ZNF362: variants seen among roughly 807,000 people sequenced by gnomAD.
The protein encoded by ZNF362 is rotund homolog.
A neutral mutation model predicts 42.9 loss-of-function variants in ZNF362; 11 were observed. That is an observed-to-expected ratio of 0.26 (90% CI 0.16 to 0.42). ZNF362 has a LOEUF of 0.42. Ranked by LOEUF, ZNF362 falls within the 20% of genes least tolerant of loss-of-function variation. The pLI, the probability that ZNF362 is intolerant of heterozygous loss-of-function variation, is 1.00. For synonymous variants in ZNF362, 255 were observed against 257.3 expected (o/e 0.99, Z 0.09); for missense variants, 362 against 576.2 (o/e 0.63, Z 3.81).
chr1:33,168,912 G>A, the ZNF362 span, among the ~76,000 whole-genome samples: 1 of 152,202 alleles, frequency 6.6e-6, no homozygotes, highest in South Asian at 2.1e-4. Context: ...CTGCCTTGGA[G>A]TCTGCCTTCC....
At chr1:33,275,538 TA>T (rs961907419) in intron 2 of ZNF362, among the ~76,000 whole-genome samples, 23 of 152,310 alleles carry the variant, frequency 1.5e-4, no homozygotes, top group African/African-American at 5.1e-4. Context: ...CAAAGGGCAA[TA>T]ATCATTTGGG....
rs563360626 is a variant in ZNF362 at position 33,266,112 on chromosome 1, C to T, written c.-88-4375C>T. Among the ~76,000 whole-genome samples the T allele has an allele frequency of 1.6e-4, 24 of 152,354 alleles. No individual in the cohort carries two copies. The highest frequency in any genetic ancestry group is 1.1e-3 in the Admixed American group (17 of 15,304). On this transcript the variant is annotated intron_variant, in intron 1 of 8. Coordinates refer to ENST00000539719, the MANE Select transcript of ZNF362 (RefSeq NM_152493.3). The surrounding 1 kb of genome is among the most constrained non-coding windows in gnomAD (Gnocchi z 4.3). ...AGAATGCTGCCACTACCCTCCCTTC[C>T]CTCCCAGCCTGACTGCAGCAGTAGC...
At chr1:33,275,636 C>T (rs866922980) in intron 2 of ZNF362, among the ~76,000 whole-genome samples, 5 of 152,122 alleles carry the variant, frequency 3.3e-5, no homozygotes, top group East Asian at 1.9e-4. Context: ...GAAGGATGTC[C>T]GTACTCAAGG....
chr1:33,273,172 G>A lies in ZNF362; in HGVS notation c.38+2560G>A, dbSNP rs181390753. ...GAGCACCTAGCAGTGTGTCTGACAC[G>A]CAGGAAGAGCTCAGGAAATGTTTGG... On this transcript the variant is annotated intron_variant, in intron 2 of 8. Coordinates refer to ENST00000539719, the MANE Select transcript of ZNF362 (RefSeq NM_152493.3). 1.1e-4 allele frequency among the ~76,000 whole-genome samples: 17 copies of A among 152,342 alleles called. No homozygotes were observed. In the East Asian group the frequency reaches 2.7e-3, roughly 24 times the overall value.
At chr1:33,141,845 A>T in the ZNF362 span, 2 of 166,206 alleles carry the variant, frequency 1.2e-5, no homozygotes, top group African/African-American at 4.8e-5. Flanking sequence ...TTAAAAAAAA[A>T]TAGAAAACTG....
At chr1:33,129,266 T>C in the ZNF362 span, among the ~76,000 whole-genome samples, 49 of 152,260 alleles carry the variant, frequency 3.2e-4, no homozygotes, top group African/African-American at 1.2e-3. The surrounding 1 kb of genome is among the most constrained non-coding windows in gnomAD (Gnocchi z 4.1). Flanking sequence ...TACTTATGGG[T>C]TGGGGGTTCA....
chr1:33,159,768 C>T, the ZNF362 span: 1 of 1,613,730 alleles, frequency 6.2e-7, no homozygotes, highest in African/African-American at 1.3e-5. This position sits in a 1 kb window ranked among gnomAD's most constrained non-coding sequence, Gnocchi z 4.2. Context: ...TCTGGGCTCC[C>T]TCCTGGACCT....
chr1:33,221,099 G>GTGCC, the ZNF362 span, among the ~76,000 whole-genome samples: 2 of 152,158 alleles, frequency 1.3e-5, no homozygotes, highest in African/African-American at 2.4e-5. Context: ...GGGGGGCGGG[G>GTGCC]TGCCGACCAT....
At chr1:33,156,732 C>T in the ZNF362 span, among the ~76,000 whole-genome samples, 1 of 152,304 alleles carries the variant, frequency 6.6e-6, no homozygotes, top group African/African-American at 2.4e-5. Flanking sequence ...CTTGTCATCC[C>T]TACTGCCTTT....
chr1:33,192,019 A>G, the ZNF362 span, among the ~76,000 whole-genome samples: 1 of 152,218 alleles, frequency 6.6e-6, no homozygotes, highest in Non-Finnish European at 1.5e-5. Context: ...GGACACTTCT[A>G]CTACTTTCAT....
chr1:33,171,071 T>C, the ZNF362 span, among the ~76,000 whole-genome samples: 1 of 152,150 alleles, frequency 6.6e-6, no homozygotes, highest in South Asian at 2.1e-4. Flanking sequence ...AGGGACCATC[T>C]GGTCCAACCC....
the ZNF362 span, among the ~76,000 whole-genome samples, chr1:33,229,147 A>G: frequency 5.9e-5 from 9 of 152,144 alleles, no homozygotes; most frequent in East Asian, 1.7e-3. Context: ...TCTCCACCCC[A>G]CCCAGGACTC....
At chr1:33,170,219 A>T in the ZNF362 span, among the ~76,000 whole-genome samples, 2 of 151,984 alleles carry the variant, frequency 1.3e-5, no homozygotes, top group Non-Finnish European at 2.9e-5. Context: ...AATTCCAGCT[A>T]CTTGGGAGGC....
chr1:33,191,923 C>A, the ZNF362 span, among the ~76,000 whole-genome samples: 1 of 152,234 alleles, frequency 6.6e-6, no homozygotes, highest in African/African-American at 2.4e-5. Context: ...CAAGTATCAT[C>A]TTGCAAGGCA....
chr1:33,157,892 G>A, the ZNF362 span, among the ~76,000 whole-genome samples: 1 of 152,064 alleles, frequency 6.6e-6, no homozygotes, highest in Non-Finnish European at 1.5e-5. Context: ...GAGTAGCTGG[G>A]ATTACAGGTG....
At chr1:33,195,817 A>C in the ZNF362 span, 1 of 152,158 alleles carries the variant, frequency 6.6e-6, no homozygotes, top group Admixed American at 6.5e-5. Flanking sequence ...AGACTTCATA[A>C]ACACTGTACA....
chr1:33,243,955 A>G, the ZNF362 span, among the ~76,000 whole-genome samples: 292 of 152,248 alleles, frequency 1.9e-3, 2 homozygotes, highest in African/African-American at 6.7e-3. Flanking sequence ...CATTTTTAGA[A>G]TGGAAAAAAA....
intron 1 of ZNF362, among the ~76,000 whole-genome samples, chr1:33,260,539 A>G (rs1645822304): frequency 6.6e-6 from 1 of 152,112 alleles, no homozygotes; most frequent in Non-Finnish European, 1.5e-5. Flanking sequence ...ACTCTCTCAC[A>G]TCAGCTGCTT....
At chr1:33,238,114 C>T in the ZNF362 span, among the ~76,000 whole-genome samples, 6 of 151,972 alleles carry the variant, frequency 3.9e-5, no homozygotes, top group Non-Finnish European at 8.8e-5. Context: ...GTCAGGCGTT[C>T]AAGACCAGCC....
Sources: allele counts gnomAD v4.1 joint callset (sites outside exome capture counted in the v4.1 genomes callset), GRCh38; gene constraint gnomAD v4.1.1; non-coding constraint Gnocchi (gnomAD v3.1); transcripts MANE v1.5; gene names NCBI Gene and HGNC (gene_info 2026-07-23, HGNC 2026-07-21).